The following GTF2E1 variants were observed in gnomAD, a reference collection of about 807,000 sequenced individuals.
The protein encoded by GTF2E1 is general transcription factor IIE subunit 1, also known as TFIIE alpha subunit.
In GTF2E1, 14 loss-of-function variants were observed where a neutral mutation model predicts 34.9. That is an observed-to-expected ratio of 0.40 (90% CI 0.27 to 0.63). GTF2E1 has a LOEUF of 0.63. Among genes scored for constraint, GTF2E1 ranks in the 20% least tolerant of loss-of-function variants. GTF2E1 has a pLI of 0.39. For synonymous variants in GTF2E1, 188 were observed against 192.9 expected, an observed-to-expected ratio of 0.97 and a Z score of 0.21; for missense variants, 469 against 557.7, an observed-to-expected ratio of 0.84 and a Z score of 1.60.
rs903351137 is a variant in GTF2E1, at chr3:120,781,422, A to G, written c.1272A>G (p.Glu424=). Residue 424 remains glutamate, a synonymous_variant, in exon 5 of 5, where the codon GAA becomes GAG. Coordinates refer to ENST00000283875, the MANE Select transcript of GTF2E1 (RefSeq NM_005513.3). The part of the protein sequence containing the change: ...LVAQMTPEEK[E]AYIAMGQRMF... ...CCCAGATGACACCAGAAGAAAAGGA[A>G]GCATATATAGCAATGGGACAACGCA... The G allele has an allele frequency of 1.9e-6, 3 of 1,614,016 alleles. No individual in the cohort carries two copies. In the African/African-American group the frequency reaches 4.0e-5, roughly 22 times the overall value.
chr3:120,752,023 T>A (rs1358447167), intron 2 of GTF2E1, among the ~76,000 whole-genome samples: 2 of 150,856 alleles, frequency 1.3e-5, no homozygotes, highest in African/African-American at 2.5e-5. Context: ...TAAAAAAAAT[T>A]TTTAAGTGGG....
At chr3:120,745,859 C>T (rs566641363) in intron 1 of GTF2E1, among the ~76,000 whole-genome samples, 38 of 152,278 alleles carry the variant, frequency 2.5e-4, no homozygotes, top group Middle Eastern at 3.4e-3. Context: ...TGCTGTGGTA[C>T]TACTTTGGTG....
intron 4 of GTF2E1, among the ~76,000 whole-genome samples, chr3:120,777,287 A>G (rs548482653): frequency 2.0e-5 from 3 of 152,338 alleles, no homozygotes; most frequent in East Asian, 1.9e-4. Flanking sequence ...ACTGCATTCA[A>G]GACTTTGAGT....
intron 2 of GTF2E1, among the ~76,000 whole-genome samples, chr3:120,764,316 T>C (rs1202491451): frequency 6.6e-6 from 1 of 152,096 alleles, no homozygotes; most frequent in Admixed American, 6.6e-5. Context: ...TTGGGAAGGC[T>C]GAATGTCAGA....
intron 3 of GTF2E1, among the ~76,000 whole-genome samples, chr3:120,772,273 G>A (rs918651189): frequency 6.6e-6 from 1 of 152,142 alleles, no homozygotes; most frequent in Non-Finnish European, 1.5e-5. Context: ...TAAACCAGCA[G>A]CTGGCAAAGG....
chr3:120,754,804 G>T (rs1709194711), intron 2 of GTF2E1, among the ~76,000 whole-genome samples: 2 of 151,814 alleles, frequency 1.3e-5, no homozygotes. Flanking sequence ...TTTTAAAAAA[G>T]AATCTTATAA....
chr3:120,753,264 A>G (rs993996765), intron 2 of GTF2E1, among the ~76,000 whole-genome samples: 6 of 151,948 alleles, frequency 3.9e-5, no homozygotes, highest in African/African-American at 1.2e-4. Flanking sequence ...CCACCCCATT[A>G]TGAAGAAGAT....
At chr3:120,748,762 A>G (rs1287560839) in intron 1 of GTF2E1, among the ~76,000 whole-genome samples, 1 of 152,120 alleles carries the variant, frequency 6.6e-6, no homozygotes, top group African/African-American at 2.4e-5. Flanking sequence ...ATGAACTTTA[A>G]AGTAGTTTTT....
At chr3:120,756,744 A>G (rs1445976871) in intron 2 of GTF2E1, among the ~76,000 whole-genome samples, 1 of 151,960 alleles carries the variant, frequency 6.6e-6, no homozygotes, top group Non-Finnish European at 1.5e-5. Context: ...TGGCCAACAT[A>G]GCAAAACCCC....
chr3:120,758,857 T>G (rs931107673), intron 2 of GTF2E1, among the ~76,000 whole-genome samples: 1 of 152,204 alleles, frequency 6.6e-6, no homozygotes, highest in Admixed American at 6.5e-5. Context: ...TCTTTGCTAT[T>G]GTGAATAGTG....
Position 120,781,100 on chromosome 3 carries a change from A to T in GTF2E1, c.950A>T (p.Asp317Val). ...EREEGHAGPD[D>V]NEEVMRALLI... ...GAGGAAGGCCATGCTGGGCCTGATG[A>T]CAACGAAGAGGTCATGCGAGCACTG... is the stretch of plus-strand genomic sequence containing the variant. Residue 317 changes from aspartate (D) to valine (V), a missense_variant, in exon 5 of 5, where the codon GAC becomes GTC. Physicochemically the swap from Asp to Val is radical, Grantham distance 152. Transcript: ENST00000283875. 1.9e-6 allele frequency: 3 copies of T among 1,614,104 alleles called. No homozygotes were observed. The highest frequency in any genetic ancestry group is 1.7e-6 in the Non-Finnish European group (2 of 1,179,966).
intron 2 of GTF2E1, among the ~76,000 whole-genome samples, chr3:120,768,027 A>C (rs1235621644): frequency 6.6e-6 from 1 of 152,154 alleles, no homozygotes; most frequent in Non-Finnish European, 1.5e-5. Flanking sequence ...CTTAAAGCTG[A>C]AGTTTGGAGT....
intron 3 of GTF2E1, among the ~76,000 whole-genome samples, chr3:120,773,831 G>A (rs888182006): frequency 6.6e-6 from 1 of 152,114 alleles, no homozygotes; most frequent in African/African-American, 2.4e-5. Flanking sequence ...ATGGTCAAAT[G>A]TCTGCTGCCT....
chr3:120,763,273 T>G (rs1709280010), intron 2 of GTF2E1, among the ~76,000 whole-genome samples: 1 of 152,206 alleles, frequency 6.6e-6, no homozygotes, highest in African/African-American at 2.4e-5. Context: ...TTTTTTGCCC[T>G]TCTTCCCCCA....
chr3:120,753,733 G>A (rs1229284814), intron 2 of GTF2E1, among the ~76,000 whole-genome samples: 1 of 152,072 alleles, frequency 6.6e-6, no homozygotes, highest in Non-Finnish European at 1.5e-5. Context: ...ATAAGCCACC[G>A]GTCTTCCTAC....
At chr3:120,778,086 A>G (rs868267254) in intron 4 of GTF2E1, among the ~76,000 whole-genome samples, 18 of 152,352 alleles carry the variant, frequency 1.2e-4, no homozygotes, top group Middle Eastern at 6.8e-3. Flanking sequence ...ACTACTACTT[A>G]ATAAATTTGT....
chr3:120,759,818 A>G (rs1299272195), intron 2 of GTF2E1, among the ~76,000 whole-genome samples: 6 of 152,214 alleles, frequency 3.9e-5, no homozygotes, highest in African/African-American at 1.4e-4. Flanking sequence ...TGGTAGCAGT[A>G]ACGTGCTGTT....
At chr3:120,777,126 G>A (rs181959630) in intron 4 of GTF2E1, among the ~76,000 whole-genome samples, 1 of 152,300 alleles carries the variant, frequency 6.6e-6, no homozygotes, top group Non-Finnish European at 1.5e-5. Context: ...ATGAATAAAG[G>A]ATTGAGCATT....
At chr3:120,755,399 A>G (rs1709199860) in intron 2 of GTF2E1, among the ~76,000 whole-genome samples, 1 of 152,202 alleles carries the variant, frequency 6.6e-6, no homozygotes, top group Admixed American at 6.5e-5. Flanking sequence ...AGACTTGATT[A>G]AAGAGTTTGC....
Sources: gnomAD v4.1 joint callset for allele counts (sites outside exome capture counted in the v4.1 genomes callset) on GRCh38, gnomAD v4.1.1 for gene constraint, MANE v1.5 for transcripts, NCBI Gene and HGNC (gene_info 2026-07-23, HGNC 2026-07-21) for gene names.